CNTN5: variants seen among roughly 807,000 people sequenced by gnomAD.
The protein encoded by CNTN5 is contactin-5.
CNTN5 carries 77 observed loss-of-function variants against 129.1 expected under a neutral mutation model. The ratio of observed to expected loss-of-function variants is 0.60; its 90% CI spans 0.50 to 0.72. CNTN5 has a LOEUF of 0.72. Among genes scored for constraint, CNTN5 ranks in the 30% least tolerant of loss-of-function variants. The pLI, the probability that CNTN5 is intolerant of heterozygous loss-of-function variation, is 0.00. For synonymous variants in CNTN5, 509 were observed against 465.6 expected (o/e 1.09, Z -1.20); for missense variants, 1,478 against 1,328.8 (o/e 1.11, Z -1.75).
chr11:99,227,088 C>G (rs938534814), intron 1 of CNTN5, among the ~76,000 whole-genome samples: 12 of 152,186 alleles, frequency 7.9e-5, no homozygotes, highest in Non-Finnish European at 1.3e-4. Flanking sequence ...TGGCCACACG[C>G]AGTGGCTCCT....
chr11:99,865,911 T>A (rs1030951005), intron 6 of CNTN5, among the ~76,000 whole-genome samples: 1 of 152,190 alleles, frequency 6.6e-6, no homozygotes, highest in African/African-American at 2.4e-5. Context: ...AGTTTTTTAG[T>A]TTTTATTTTC....
At chr11:100,348,635 C>T (rs1952337979) in intron 23 of CNTN5, among the ~76,000 whole-genome samples, 1 of 152,014 alleles carries the variant, frequency 6.6e-6, no homozygotes, top group South Asian at 2.1e-4. Flanking sequence ...TTCCCATTCC[C>T]ATAAATTTGC....
At chr11:99,803,227 TC>T (rs1211647448) in intron 3 of CNTN5, among the ~76,000 whole-genome samples, 4 of 152,176 alleles carry the variant, frequency 2.6e-5, no homozygotes, top group Non-Finnish European at 5.9e-5. Flanking sequence ...CACCACGATC[TC>T]AAGGGAGTCA....
At chr11:99,998,219 C>G (rs571437465) in intron 8 of CNTN5, among the ~76,000 whole-genome samples, 71 of 152,138 alleles carry the variant, frequency 4.7e-4, no homozygotes, top group Admixed American at 1.8e-3. Flanking sequence ...CAAATTGTCC[C>G]TGTTTGCAGA....
At chr11:99,869,657 A>G (rs1948451157) in intron 6 of CNTN5, among the ~76,000 whole-genome samples, 1 of 152,182 alleles carries the variant, frequency 6.6e-6, no homozygotes, top group Non-Finnish European at 1.5e-5. Flanking sequence ...CACAGTCACC[A>G]GCTGCAACTT....
chr11:99,757,674 A>T (rs1565496458), intron 3 of CNTN5, among the ~76,000 whole-genome samples: 2 of 152,098 alleles, frequency 1.3e-5, no homozygotes, highest in East Asian at 3.9e-4. Context: ...AATTTTGGGG[A>T]GGGTATTACT....
At chr11:100,287,074 T>G (rs565871881) in intron 18 of CNTN5, among the ~76,000 whole-genome samples, 26 of 152,058 alleles carry the variant, frequency 1.7e-4, no homozygotes, top group African/African-American at 5.3e-4. Flanking sequence ...TAAAAAGAAA[T>G]GAGCAAAGCC....
At chr11:99,779,388 C>A (rs1945236390) in intron 3 of CNTN5, among the ~76,000 whole-genome samples, 1 of 151,976 alleles carries the variant, frequency 6.6e-6, no homozygotes, top group Non-Finnish European at 1.5e-5. Context: ...CTTGTGAATA[C>A]AACACTAAGA....
intron 3 of CNTN5, among the ~76,000 whole-genome samples, chr11:99,740,908 A>C (rs1243869141): frequency 1.3e-5 from 2 of 152,138 alleles, no homozygotes; most frequent in African/African-American, 4.8e-5. Context: ...AAATCTAACT[A>C]TCTGCTTATG....
At chr11:100,038,222 T>A (rs1340852087) in intron 9 of CNTN5, among the ~76,000 whole-genome samples, 4 of 151,556 alleles carry the variant, frequency 2.6e-5, no homozygotes, top group Admixed American at 1.3e-4. Context: ...CATTTCGTTA[T>A]GTACCCAGTA....
intron 3 of CNTN5, among the ~76,000 whole-genome samples, chr11:99,602,627 G>A (rs1950349093): frequency 6.6e-6 from 1 of 151,972 alleles, no homozygotes; most frequent in South Asian, 2.1e-4. Context: ...TTTATGGGAA[G>A]GTCTGGGGAG....
chr11:99,810,940 G>A (rs1946410372), intron 3 of CNTN5, among the ~76,000 whole-genome samples: 1 of 152,042 alleles, frequency 6.6e-6, no homozygotes, highest in Non-Finnish European at 1.5e-5. Context: ...TGACATATAA[G>A]TTGATGATGG....
intron 1 of CNTN5, among the ~76,000 whole-genome samples, chr11:99,037,643 C>T (rs935474435): frequency 5.9e-5 from 8 of 135,794 alleles, no homozygotes; most frequent in South Asian, 2.3e-4. Flanking sequence ...TGCAGTGATG[C>T]GATCTCGGTT....
At chr11:100,065,110 G>A (rs1450893879) in intron 10 of CNTN5, among the ~76,000 whole-genome samples, 1 of 151,980 alleles carries the variant, frequency 6.6e-6, no homozygotes. Flanking sequence ...TATCCAGAAC[G>A]CTTAAAAGTT....
At chr11:99,548,487 T>C (rs1435227114) in intron 2 of CNTN5, among the ~76,000 whole-genome samples, 2 of 152,212 alleles carry the variant, frequency 1.3e-5, no homozygotes, top group East Asian at 1.9e-4. Context: ...CATAATTGTA[T>C]AGCCAATCGC....
rs181074487 is a variant in CNTN5 at position 99,725,528 on chromosome 11, A to C, written c.56-94016A>C. 5.3e-3 allele frequency among the ~76,000 whole-genome samples: 572 copies of C among 108,154 alleles called. 1 individual carries two copies. The highest frequency in any genetic ancestry group is 8.1e-3 in the Non-Finnish European group (426 of 52,770). 71.0% of individuals were successfully genotyped at this position (108,154 alleles called of 152,430 possible). ...ATCATCATGAGTTAAGTAAATATTC[A>C]GCATTTTAATCTTTGCCTTGCCTTT... On this transcript the variant is annotated intron_variant, in intron 3 of 24. Coordinates refer to ENST00000524871, the MANE Select transcript of CNTN5 (RefSeq NM_014361.4).
chr11:99,245,537 T>C (rs1233165230), intron 1 of CNTN5, among the ~76,000 whole-genome samples: 1 of 152,086 alleles, frequency 6.6e-6, no homozygotes, highest in Non-Finnish European at 1.5e-5. Flanking sequence ...GCCAGGCTGA[T>C]CTTGAACTCC....
chr11:99,209,666 GTAT>G (rs1414190141), intron 1 of CNTN5, among the ~76,000 whole-genome samples: 2 of 152,074 alleles, frequency 1.3e-5, no homozygotes, highest in East Asian at 3.9e-4. Flanking sequence ...ACTTTTCTTG[GTAT>G]TATCTATATT....
At chr11:100,156,482 G>T (rs1947247433) in intron 13 of CNTN5, among the ~76,000 whole-genome samples, 1 of 152,036 alleles carries the variant, frequency 6.6e-6, no homozygotes, top group African/African-American at 2.4e-5. Flanking sequence ...TTGTGCCTCT[G>T]CCTGGTTTTG....
Sources: gnomAD v4.1 joint callset for allele counts (sites outside exome capture counted in the v4.1 genomes callset) on GRCh38, gnomAD v4.1.1 for gene constraint, MANE v1.5 for transcripts, NCBI Gene and HGNC (gene_info 2026-07-23, HGNC 2026-07-21) for gene names.